Variants in WWOX observed in about 807,000 individuals in gnomAD.
WWOX encodes the protein WW domain containing oxidoreductase, also known as WW domain-containing oxidoreductase.
In WWOX, 69 loss-of-function variants were observed where a neutral mutation model predicts 46.2. That is an observed-to-expected ratio of 1.49 (90% CI 1.23 to 1.82). The LOEUF (loss-of-function observed/expected upper bound fraction) is 1.82. WWOX is among the 40% of genes most tolerant of loss of function. The pLI is 0.00. For synonymous variants in WWOX, 359 were observed against 202.6 expected (o/e 1.77, Z -6.56); for missense variants, 919 against 542.6 (o/e 1.69, Z -6.89).
chr16:78,685,407 T>C (rs1303980311), intron 8 of WWOX, among the ~76,000 whole-genome samples: 2 of 152,194 alleles, frequency 1.3e-5, no homozygotes, highest in East Asian at 3.9e-4. Flanking sequence ...GCTAAGTCTG[T>C]CTATGGTAGA....
intron 6 of WWOX, among the ~76,000 whole-genome samples, chr16:78,411,104 T>C (rs2082669912): frequency 6.6e-6 from 1 of 152,140 alleles, no homozygotes; most frequent in Admixed American, 6.5e-5. Context: ...CTCAGAAGAA[T>C]TGTCCATGAT....
intron 7 of WWOX, among the ~76,000 whole-genome samples, chr16:78,431,193 A>G (rs969238022): frequency 2.0e-5 from 3 of 152,202 alleles, no homozygotes; most frequent in Non-Finnish European, 4.4e-5. Context: ...ACTCCGTCAG[A>G]CCCAATTATA....
At chr16:78,122,060 C>T (rs2033123443) in intron 4 of WWOX, among the ~76,000 whole-genome samples, 1 of 152,100 alleles carries the variant, frequency 6.6e-6, no homozygotes, top group African/African-American at 2.4e-5. Context: ...ATTTACATAA[C>T]TTTTATACAG....
At chr16:78,866,031 G>C (rs1012224438) in intron 8 of WWOX, among the ~76,000 whole-genome samples, 84 of 152,268 alleles carry the variant, frequency 5.5e-4, no homozygotes, top group African/African-American at 2.0e-3. Flanking sequence ...CACAGCATCC[G>C]TGAGTCATAG....
intron 8 of WWOX, among the ~76,000 whole-genome samples, chr16:78,765,678 A>G (rs1051376539): frequency 2.4e-4 from 36 of 151,012 alleles, no homozygotes; most frequent in African/African-American, 7.6e-4. Flanking sequence ...GACTCTGTCT[A>G]AAAAAAAAGA....
intron 8 of WWOX, among the ~76,000 whole-genome samples, chr16:78,665,941 T>C (rs1047395729): frequency 5.3e-5 from 8 of 151,530 alleles, no homozygotes; most frequent in East Asian, 2.0e-4. Context: ...CACCTTGGCC[T>C]CCCAAAGCTC....
At chr16:78,983,708 C>G (rs1440965221) in intron 8 of WWOX, among the ~76,000 whole-genome samples, 1 of 152,120 alleles carries the variant, frequency 6.6e-6, no homozygotes, top group African/African-American at 2.4e-5. Context: ...GCGTGGAGCA[C>G]ATCTCCTTCT....
rs189403583 is a variant in WWOX at position 78,423,672 on chromosome 16, A to G, written c.606-1198A>G. Among the ~76,000 whole-genome samples, 633 of 152,028 alleles carry G rather than the reference A, an allele frequency of 4.2e-3. 9 individuals are homozygous for G. The highest frequency in any genetic ancestry group is 0.014 in the African/African-American group (570 of 41,474). On this transcript the variant is annotated intron_variant, in intron 6 of 8. Coordinates refer to ENST00000566780, the MANE Select transcript of WWOX (RefSeq NM_016373.4). ...GGCAACATAGGGGGAGCCCATCTCT[A>G]CAAAAATAAAAAATAAGAAATAAAA...
intron 8 of WWOX, among the ~76,000 whole-genome samples, chr16:78,818,429 C>A (rs929015851): frequency 3.9e-4 from 60 of 152,332 alleles, no homozygotes; most frequent in African/African-American, 1.4e-3. Flanking sequence ...AGCCCTAGGA[C>A]AAGGCAGGCC....
intron 8 of WWOX, among the ~76,000 whole-genome samples, chr16:78,917,157 A>G (rs952589632): frequency 2.6e-5 from 4 of 152,248 alleles, no homozygotes; most frequent in African/African-American, 9.6e-5. Context: ...ACTCTCAACC[A>G]ATTTTTGTAG....
At chr16:78,630,384 C>G (rs755139775) in intron 8 of WWOX, among the ~76,000 whole-genome samples, 2 of 152,080 alleles carry the variant, frequency 1.3e-5, no homozygotes, top group African/African-American at 2.4e-5. Flanking sequence ...ACTGCTTGTA[C>G]CAAAAATAGG....
At chr16:78,659,405 C>T (rs1011286938) in intron 8 of WWOX, among the ~76,000 whole-genome samples, 4 of 152,094 alleles carry the variant, frequency 2.6e-5, no homozygotes, top group African/African-American at 9.7e-5. Flanking sequence ...GATGTGCTCA[C>T]CCTCAGGCTC....
intron 8 of WWOX, among the ~76,000 whole-genome samples, chr16:79,180,681 T>TCTCC (rs917199093): frequency 5.9e-5 from 9 of 152,178 alleles, no homozygotes; most frequent in South Asian, 2.1e-4. Flanking sequence ...TCTCTCTCTT[T>TCTCC]CTCCCTCCCT....
At chr16:78,830,638 C>G (rs1443958474) in intron 8 of WWOX, among the ~76,000 whole-genome samples, 2 of 151,934 alleles carry the variant, frequency 1.3e-5, no homozygotes, top group African/African-American at 4.8e-5. Flanking sequence ...CTCAGTACCT[C>G]TATTTTCCTA....
intron 5 of WWOX, among the ~76,000 whole-genome samples, chr16:78,279,678 G>A (rs2079641377): frequency 6.6e-6 from 1 of 152,212 alleles, no homozygotes; most frequent in African/African-American, 2.4e-5. Flanking sequence ...TATGGAAAAT[G>A]TAATAGAGCT....
At chr16:78,268,607 C>T (rs1314221534) in intron 5 of WWOX, among the ~76,000 whole-genome samples, 1 of 152,176 alleles carries the variant, frequency 6.6e-6, no homozygotes, top group Non-Finnish European at 1.5e-5. Flanking sequence ...TACTCTTCAC[C>T]CACCATTTCC....
rs117123536 is a variant in WWOX at position 79,025,404 on chromosome 16, T to A, written c.1057-186204T>A. Among the ~76,000 whole-genome samples, 636 of 151,844 alleles carry A rather than the reference T, an allele frequency of 4.2e-3. 10 individuals carry two copies. The East Asian group carries it at 0.058, about 14-fold the overall frequency. ...TTCAGTTGAGGATCTCAAAACGAGG[T>A]CATCTTGGGTGGACCCTAAATCCAA... On this transcript the variant is annotated intron_variant, in intron 8 of 8. Transcript: ENST00000566780.
At chr16:78,289,588 A>G (rs1437893845) in intron 5 of WWOX, among the ~76,000 whole-genome samples, 1 of 152,146 alleles carries the variant, frequency 6.6e-6, no homozygotes, top group Admixed American at 6.6e-5. Context: ...GTAACAGGGG[A>G]AAAAAATAAA....
chr16:78,802,183 T>A (rs1305338781), intron 8 of WWOX, among the ~76,000 whole-genome samples: 5 of 151,234 alleles, frequency 3.3e-5, no homozygotes, highest in African/African-American at 9.7e-5. Context: ...GAAGTTTGTT[T>A]TATATTTTGT....
Sources: allele counts gnomAD v4.1 joint callset (sites outside exome capture counted in the v4.1 genomes callset), GRCh38; gene constraint gnomAD v4.1.1; transcripts MANE v1.5; gene names NCBI Gene and HGNC (gene_info 2026-07-23, HGNC 2026-07-21).